Variants in ABL2 observed in about 807,000 individuals in gnomAD.
The protein encoded by ABL2 is tyrosine-protein kinase ABL2.
ABL2 carries 49 observed loss-of-function variants against 107.7 expected under a neutral mutation model. The observed-to-expected ratio is 0.45, with a 90% CI of 0.36 to 0.58. The LOEUF is 0.58. Among genes scored for constraint, ABL2 ranks in the 20% least tolerant of loss-of-function variants. The pLI is 0.00. For missense variants in ABL2, 1,245 were observed against 1,457.0 expected, an observed-to-expected ratio of 0.85 and a Z score of 2.37; for synonymous variants, 549 against 548.6, an observed-to-expected ratio of 1.00 and a Z score of -0.01.
At chr1:179,220,605 G>A (rs992124291) in intron 1 of ABL2, among the ~76,000 whole-genome samples, 1 of 152,188 alleles carries the variant, frequency 6.6e-6, no homozygotes, top group Non-Finnish European at 1.5e-5. Flanking sequence ...CTAAAGCATG[G>A]AATACAGAAA....
chr1:179,159,054 T>C lies in ABL2; in HGVS notation c.158-25680A>G, dbSNP rs554348003. Among the ~76,000 whole-genome samples the C allele has an allele frequency of 9.2e-5, 14 of 152,344 alleles. No homozygotes were observed. The South Asian group carries it at 2.7e-3, about 29-fold the overall frequency. ...CAGTAGAGCATGGTGGTCAAGAGCATAGATGCCAGAGCCAGATTCCCTGGG... is the reference window on the plus strand; with the variant it reads ...CAGTAGAGCATGGTGGTCAAGAGCACAGATGCCAGAGCCAGATTCCCTGGG... On this transcript the variant is annotated intron_variant, in intron 1 of 11. Coordinates refer to ENST00000502732, the MANE Select transcript of ABL2 (RefSeq NM_007314.4).
intron 1 of ABL2, among the ~76,000 whole-genome samples, chr1:179,148,421 AT>A (rs1337342469): frequency 6.6e-6 from 1 of 152,000 alleles, no homozygotes; most frequent in Non-Finnish European, 1.5e-5. Flanking sequence ...AAACTTTTTA[AT>A]TGTTATCATA....
intron 10 of ABL2, chr1:179,110,908 T>C (rs960283008): frequency 5.0e-6 from 8 of 1,605,268 alleles, no homozygotes; most frequent in Non-Finnish European, 6.8e-6. Flanking sequence ...TGTCCCCAAA[T>C]AGCGATACTA....
At chr1:179,191,501 AC>A (rs1424912302) in intron 1 of ABL2, among the ~76,000 whole-genome samples, 1 of 142,804 alleles carries the variant, frequency 7.0e-6, no homozygotes, top group Non-Finnish European at 1.5e-5. Flanking sequence ...GCTCACTGCA[AC>A]CTCTGTCTCC....
chr1:179,167,082 T>C (rs1363421667), intron 1 of ABL2, among the ~76,000 whole-genome samples: 4 of 152,148 alleles, frequency 2.6e-5, no homozygotes, highest in Non-Finnish European at 4.4e-5. Context: ...AATTAGTATA[T>C]CAAAAGACTA....
chr1:179,107,437 C>T lies in ABL2; in HGVS notation c.*281G>A. On this transcript the variant is annotated 3_prime_UTR_variant, in exon 12 of 12. Coordinates refer to ENST00000502732, the MANE Select transcript of ABL2 (RefSeq NM_007314.4). ...TTCCAGGTAGGGATGGGCTGCATTGCCTTCCTTATGACATACACATGTTCC... is the reference window on the plus strand; with the variant it reads ...TTCCAGGTAGGGATGGGCTGCATTGTCTTCCTTATGACATACACATGTTCC... The T allele has an allele frequency of 4.8e-6, 2 of 418,202 alleles. No individual in the cohort carries two copies. The highest frequency in any genetic ancestry group is 8.7e-5 in the Admixed American group (2 of 23,030). The allele number at this position is 418,202 out of a possible 1,614,324, so 25.9% of individuals were successfully genotyped here.
chr1:179,178,764 G>C (rs1029281249), intron 1 of ABL2, among the ~76,000 whole-genome samples: 4 of 152,164 alleles, frequency 2.6e-5, no homozygotes, highest in Non-Finnish European at 1.5e-5. Flanking sequence ...GTGGGCTGGG[G>C]GGGGTGCCTG....
At chr1:179,148,316 C>T (rs745947512) in intron 1 of ABL2, among the ~76,000 whole-genome samples, 24 of 152,078 alleles carry the variant, frequency 1.6e-4, no homozygotes, top group South Asian at 4.1e-4. Flanking sequence ...GTTGGTATTA[C>T]GGGTGTGAAC....
intron 1 of ABL2, among the ~76,000 whole-genome samples, chr1:179,165,938 G>C (rs1459897975): frequency 1.3e-5 from 2 of 152,024 alleles, no homozygotes; most frequent in Non-Finnish European, 2.9e-5. Flanking sequence ...TGGGATTACA[G>C]GCACATGCTA....
At chr1:179,218,715 T>G (rs1219168828) in intron 1 of ABL2, among the ~76,000 whole-genome samples, 1 of 152,084 alleles carries the variant, frequency 6.6e-6, no homozygotes, top group Non-Finnish European at 1.5e-5. Flanking sequence ...CTTCTTAATC[T>G]CACATGAGCA....
chr1:179,136,915 T>TC (rs1657084217), intron 1 of ABL2, among the ~76,000 whole-genome samples: 1 of 58,638 alleles, frequency 1.7e-5, no homozygotes, highest in Admixed American at 1.9e-4. Flanking sequence ...AGACCCTGTC[T>TC]CAAAAAAAAA....
chr1:179,104,001 C>A lies in ABL2; in HGVS notation c.*3717G>T. ...ATACACTGGCCGAGACCCCAGCCCA[C>A]TGGGAATTCTGATCTGGAGTGGGGC... On this transcript the variant is annotated 3_prime_UTR_variant, in exon 12 of 12. Coordinates refer to ENST00000502732, the MANE Select transcript of ABL2 (RefSeq NM_007314.4). The A allele has an allele frequency of 4.3e-6, 1 of 233,564 alleles. No individual in the cohort carries two copies. 14.5% of individuals were successfully genotyped at this position (233,564 alleles called of 1,614,324 possible). A position where few individuals can be genotyped will look rare whatever the true frequency, so the allele number is the denominator to read the frequency against.
intron 1 of ABL2, chr1:179,220,950 C>A: frequency 5.3e-6 from 1 of 188,946 alleles, no homozygotes; most frequent in Non-Finnish European, 1.2e-5. Context: ...CAGCCTTCCC[C>A]ACTACAATGT....
At chr1:179,184,231 C>A in intron 1 of ABL2, 1 of 511,516 alleles carries the variant, frequency 2.0e-6, no homozygotes, top group South Asian at 2.0e-5. Context: ...GATACTAAGT[C>A]AGGTTACAGA....
At chr1:179,128,552 G>A (rs1381530526) in intron 3 of ABL2, among the ~76,000 whole-genome samples, 4 of 152,024 alleles carry the variant, frequency 2.6e-5, no homozygotes, top group African/African-American at 9.7e-5. Context: ...AGGATTTTTT[G>A]TTTGTTGTTC....
intron 1 of ABL2, among the ~76,000 whole-genome samples, chr1:179,190,298 C>T (rs1025110839): frequency 3.9e-5 from 6 of 152,106 alleles, no homozygotes; most frequent in African/African-American, 1.4e-4. Context: ...GCAAGAGTGG[C>T]TCACGGAACT....
At position 179,127,007 on chromosome 1, in the gene ABL2, G is replaced by T. The variant is rs1295771255; in HGVS notation, c.392-335C>A. On this transcript the variant is annotated intron_variant, in intron 3 of 11. Coordinates refer to ENST00000502732, the MANE Select transcript of ABL2 (RefSeq NM_007314.4). ...TAAAATGGCTGGAAAAGGACACAGTGCTCACTCTTCAAAAGAAGAAAATTC... is the reference window on the plus strand; with the variant it reads ...TAAAATGGCTGGAAAAGGACACAGTTCTCACTCTTCAAAAGAAGAAAATTC... 2.6e-5 allele frequency among the ~76,000 whole-genome samples: 4 copies of T among 152,096 alleles called. No individual in the cohort carries two copies. In the East Asian group the frequency reaches 7.7e-4, roughly 29 times the overall value.
At chr1:179,110,698 A>G in intron 10 of ABL2, 4 of 1,595,666 alleles carry the variant, frequency 2.5e-6, no homozygotes, top group Non-Finnish European at 3.4e-6. Context: ...CAACGTGTGA[A>G]TATACCACAA....
intron 3 of ABL2, among the ~76,000 whole-genome samples, chr1:179,128,638 T>G (rs868354656): frequency 1.1e-4 from 17 of 152,176 alleles, no homozygotes; most frequent in African/African-American, 3.4e-4. Flanking sequence ...GGGGGATGAC[T>G]AGTATGGATT....
Sources: allele counts gnomAD v4.1 joint callset (sites outside exome capture counted in the v4.1 genomes callset), GRCh38; gene constraint gnomAD v4.1.1; transcripts MANE v1.5; gene names NCBI Gene and HGNC (gene_info 2026-07-23, HGNC 2026-07-21).